ZNF676: variants seen among roughly 807,000 people sequenced by gnomAD.
The protein encoded by ZNF676 is zinc finger protein 676.
Under a neutral mutation model 6.0 loss-of-function variants are expected in ZNF676, and 4 were observed. The ratio of observed to expected loss-of-function variants is 0.67; its 90% CI spans 0.33 to 1.53. The LOEUF (loss-of-function observed/expected upper bound fraction) is 1.53. Ranked by LOEUF, ZNF676 falls within the 40% of genes most tolerant of loss-of-function variation. The pLI, the probability that ZNF676 is intolerant of heterozygous loss-of-function variation, is 0.06. For missense variants in ZNF676, 644 were observed against 679.7 expected, an observed-to-expected ratio of 0.95 and a Z score of 0.58; for synonymous variants, 198 against 223.1, an observed-to-expected ratio of 0.89 and a Z score of 1.00.
upstream of ZNF676, among the ~76,000 whole-genome samples, chr19:22,216,568 A>G (rs926627602): frequency 1.3e-5 from 2 of 152,254 alleles, no homozygotes; most frequent in South Asian, 4.1e-4. Context: ...ATGTTCATAT[A>G]TATTTTACAA....
rs766266777 is a variant in ZNF676, at chr19:22,179,948, T to G, written c.*2A>C. On this transcript the variant is annotated 3_prime_UTR_variant, in exon 3 of 3. Coordinates refer to ENST00000397121, the MANE Select transcript of ZNF676 (RefSeq NM_001001411.3). ...GAAGGATTTACCACATTCTTCACATTTTTAGGGATTCTCTCCAGTATGAAT... is the reference window on the plus strand; with the variant it reads ...GAAGGATTTACCACATTCTTCACATGTTTAGGGATTCTCTCCAGTATGAAT... 6 of 1,612,152 alleles carry G rather than the reference T, an allele frequency of 3.7e-6. No individual in the cohort carries two copies. The highest frequency in any genetic ancestry group is 3.3e-5 in the South Asian group (3 of 90,964).
At chr19:22,237,308 C>T in the ZNF676 span, among the ~76,000 whole-genome samples, 1 of 152,194 alleles carries the variant, frequency 6.6e-6, no homozygotes, top group Non-Finnish European at 1.5e-5. Flanking sequence ...CAAGCTGCAA[C>T]ATTAAATGCA....
chr19:22,185,123 G>T (rs7343077), intron 2 of ZNF676, among the ~76,000 whole-genome samples: 57,631 of 151,912 alleles, frequency 0.38, 11,168 homozygotes, highest in African/African-American at 0.42. Context: ...GAGAGCTCTG[G>T]CTGGCATCTG....
chr19:22,243,967 T>C, the ZNF676 span: 1 of 152,146 alleles, frequency 6.6e-6, no homozygotes, highest in African/African-American at 2.4e-5. Context: ...CTAAGCCCTC[T>C]GAAGACATTC....
At chr19:22,208,239 C>T (rs2024095460) in intron 1 of ZNF676, among the ~76,000 whole-genome samples, 1 of 139,216 alleles carries the variant, frequency 7.2e-6, no homozygotes, top group East Asian at 2.1e-4. Context: ...AGAACTAAAA[C>T]AAGTTTACAA....
At chr19:22,207,143 G>T (rs1043228664) in intron 1 of ZNF676, among the ~76,000 whole-genome samples, 3 of 152,144 alleles carry the variant, frequency 2.0e-5, no homozygotes, top group African/African-American at 7.2e-5. Flanking sequence ...AAAAAGAGAG[G>T]AAGTCAAACT....
chr19:22,228,582 A>T, the ZNF676 span, among the ~76,000 whole-genome samples: 1 of 152,296 alleles, frequency 6.6e-6, no homozygotes, highest in East Asian at 1.9e-4. Context: ...TTTGCAGATG[A>T]CATGATTGTA....
intron 1 of ZNF676, among the ~76,000 whole-genome samples, chr19:22,211,534 A>G (rs965777013): frequency 3.3e-5 from 5 of 152,224 alleles, no homozygotes; most frequent in African/African-American, 1.2e-4. Flanking sequence ...TACCTCAGTA[A>G]GAGAAGCAAA....
chr19:22,238,318 T>C, the ZNF676 span, among the ~76,000 whole-genome samples: 1 of 152,186 alleles, frequency 6.6e-6, no homozygotes, highest in Non-Finnish European at 1.5e-5. Context: ...CCCAAAGTGC[T>C]GGGATTACAG....
the ZNF676 span, chr19:22,245,092 G>A: frequency 6.6e-6 from 1 of 152,202 alleles, no homozygotes; most frequent in Non-Finnish European, 1.5e-5. Context: ...TCGTTTGTCA[G>A]AGCCACATCA....
At chr19:22,190,664 T>TATATATATATATATATAC (rs1157566142) in intron 2 of ZNF676, among the ~76,000 whole-genome samples, 2 of 111,826 alleles carry the variant, frequency 1.8e-5, no homozygotes, top group Non-Finnish European at 3.4e-5. Flanking sequence ...TATATATATA[T>TATATATATATATATATAC]ACATACACAC....
At chr19:22,206,445 G>T (rs2144806774) in intron 1 of ZNF676, among the ~76,000 whole-genome samples, 1 of 152,216 alleles carries the variant, frequency 6.6e-6, no homozygotes, top group Non-Finnish European at 1.5e-5. Flanking sequence ...GGCCAAGGTG[G>T]GTTGATTCCC....
chr19:22,183,027 C>CT (rs1390725931), intron 2 of ZNF676, among the ~76,000 whole-genome samples: 2 of 152,006 alleles, frequency 1.3e-5, no homozygotes, highest in African/African-American at 4.8e-5. Flanking sequence ...ATAAGGAGGA[C>CT]TTTTTTATGC....
intron 2 of ZNF676, among the ~76,000 whole-genome samples, chr19:22,187,310 C>T (rs1599711619): frequency 6.6e-6 from 1 of 152,126 alleles, no homozygotes; most frequent in African/African-American, 2.4e-5. Context: ...TAAAAAAGTT[C>T]TTTGAAACCA....
At chr19:22,195,180 G>A (rs1462911881) in intron 1 of ZNF676, among the ~76,000 whole-genome samples, 2 of 152,138 alleles carry the variant, frequency 1.3e-5, no homozygotes, top group Non-Finnish European at 2.9e-5. Flanking sequence ...AAAGGGTTTG[G>A]GAGCACAACT....
chr19:22,187,651 G>A (rs2023856835), intron 2 of ZNF676, among the ~76,000 whole-genome samples: 1 of 148,582 alleles, frequency 6.7e-6, no homozygotes, highest in Non-Finnish European at 1.5e-5. Flanking sequence ...AAGGAGAGAA[G>A]AATCAAATAG....
chr19:22,194,686 G>A (rs1225271069), intron 1 of ZNF676, among the ~76,000 whole-genome samples: 1 of 152,018 alleles, frequency 6.6e-6, no homozygotes. Flanking sequence ...ATCATTGGGC[G>A]AATCAGTGCC....
At chr19:22,199,668 G>T (rs1488031794), upstream of ZNF676, among the ~76,000 whole-genome samples, 2 of 152,038 alleles carry the variant, frequency 1.3e-5, no homozygotes, top group Non-Finnish European at 2.9e-5. Context: ...CAGATGAAAG[G>T]GATACAGATG....
the ZNF676 span, among the ~76,000 whole-genome samples, chr19:22,253,353 GGTGTGTGTGTGTGTGT>G: frequency 6.6e-5 from 7 of 105,832 alleles, no homozygotes; most frequent in South Asian, 5.4e-4. Context: ...TATGATAATG[GGTGTGTGTGTGTGTGT>G]GTGTATATAT....
Sources: gnomAD v4.1 joint callset for allele counts (sites outside exome capture counted in the v4.1 genomes callset) on GRCh38, gnomAD v4.1.1 for gene constraint, MANE v1.5 for transcripts, NCBI Gene and HGNC (gene_info 2026-07-23, HGNC 2026-07-21) for gene names.